Variants in SCHIP1 observed in about 807,000 individuals in gnomAD.
SCHIP1 encodes the protein schwannomin interacting protein 1, also known as schwannomin-interacting protein 1.
In SCHIP1, 8 loss-of-function variants were observed where a neutral mutation model predicts 29.7. The observed-to-expected ratio is 0.27, with a 90% CI of 0.16 to 0.49. The LOEUF is 0.49. Among genes scored for constraint, SCHIP1 ranks in the 20% least tolerant of loss-of-function variants. The pLI is 0.99. For missense variants in SCHIP1, 193 were observed against 294.6 expected (o/e 0.66, Z 2.52); for synonymous variants, 76 against 94.9 (o/e 0.80, Z 1.16).
At chr3:159,564,776 A>G in the SCHIP1 span, among the ~76,000 whole-genome samples, 3 of 152,272 alleles carry the variant, frequency 2.0e-5, no homozygotes, top group South Asian at 6.2e-4. Flanking sequence ...AGATTAATCC[A>G]TTGTTGTTTC....
chr3:159,785,010 A>G, the SCHIP1 span, among the ~76,000 whole-genome samples: 1 of 152,254 alleles, frequency 6.6e-6, no homozygotes, highest in Non-Finnish European at 1.5e-5. Context: ...ACAAAGCTCT[A>G]TCAAAAAACA....
At chr3:159,333,146 T>G in the SCHIP1 span, among the ~76,000 whole-genome samples, 2 of 152,366 alleles carry the variant, frequency 1.3e-5, no homozygotes, top group Non-Finnish European at 2.9e-5. Flanking sequence ...GGTTATTTTT[T>G]TAGTGTTGCA....
At chr3:159,537,162 G>C in the SCHIP1 span, among the ~76,000 whole-genome samples, 1 of 152,196 alleles carries the variant, frequency 6.6e-6, no homozygotes, top group African/African-American at 2.4e-5. Flanking sequence ...AAGGGCAAGA[G>C]AAAGGAATTC....
chr3:159,675,223 A>C, the SCHIP1 span, among the ~76,000 whole-genome samples: 4 of 152,218 alleles, frequency 2.6e-5, no homozygotes, highest in African/African-American at 9.7e-5. Flanking sequence ...TTTAGTTTAT[A>C]GGCACAACTT....
chr3:159,852,800 C>T (rs1260771907), intron 1 of SCHIP1: 1 of 152,210 alleles, frequency 6.6e-6, no homozygotes, highest in Non-Finnish European at 1.5e-5. Flanking sequence ...AAAAAGCAAA[C>T]ATCTGTGTTA....
chr3:159,803,793 G>T, the SCHIP1 span, among the ~76,000 whole-genome samples: 1 of 152,088 alleles, frequency 6.6e-6, no homozygotes, highest in African/African-American at 2.4e-5. Context: ...TTCGTCCAGG[G>T]GAATACTGAA....
chr3:159,446,260 A>G, the SCHIP1 span, among the ~76,000 whole-genome samples: 2 of 152,100 alleles, frequency 1.3e-5, no homozygotes. Flanking sequence ...ATATTGTTAT[A>G]ATGGTATCTC....
chr3:159,372,097 T>C, the SCHIP1 span, among the ~76,000 whole-genome samples: 7 of 152,348 alleles, frequency 4.6e-5, no homozygotes, highest in East Asian at 1.3e-3. Flanking sequence ...GGTCAAAGAA[T>C]ATATGTCAAT....
At chr3:159,447,933 A>T in the SCHIP1 span, among the ~76,000 whole-genome samples, 1 of 152,230 alleles carries the variant, frequency 6.6e-6, no homozygotes, top group East Asian at 1.9e-4. Context: ...CCCTTAAGGG[A>T]TGCAGAGTCT....
At chr3:159,284,663 A>AT in the SCHIP1 span, among the ~76,000 whole-genome samples, 9 of 150,278 alleles carry the variant, frequency 6.0e-5, no homozygotes, top group East Asian at 3.9e-4. Flanking sequence ...TAATTTTTGT[A>AT]TTTTTTTTTC....
the SCHIP1 span, among the ~76,000 whole-genome samples, chr3:159,280,437 C>T: frequency 6.6e-6 from 1 of 152,132 alleles, no homozygotes; most frequent in Admixed American, 6.5e-5. Context: ...TTAATCTAGA[C>T]CTGGGACCTA....
chr3:159,511,004 G>C, the SCHIP1 span, among the ~76,000 whole-genome samples: 3 of 152,232 alleles, frequency 2.0e-5, no homozygotes, highest in Non-Finnish European at 4.4e-5. Context: ...CTGTCAAACA[G>C]GGACATTTAA....
At chr3:159,863,745 G>A (rs932140351) in intron 1 of SCHIP1, among the ~76,000 whole-genome samples, 4 of 152,144 alleles carry the variant, frequency 2.6e-5, no homozygotes, top group African/African-American at 7.2e-5. Flanking sequence ...AGAAGGAGAG[G>A]GGGAAAGAGA....
the SCHIP1 span, among the ~76,000 whole-genome samples, chr3:159,386,406 CCACGCTCGTGGATA>C: frequency 2.6e-5 from 4 of 152,166 alleles, no homozygotes; most frequent in African/African-American, 9.7e-5. Context: ...GAAAAACATT[CCACGCTCGTGGATA>C]CACGCTCATG....
chr3:159,529,034 T>C, the SCHIP1 span, among the ~76,000 whole-genome samples: 1 of 152,194 alleles, frequency 6.6e-6, no homozygotes, highest in African/African-American at 2.4e-5. Flanking sequence ...ACACTGAATA[T>C]TGCTGTTTGC....
At chr3:159,570,531 C>T in the SCHIP1 span, among the ~76,000 whole-genome samples, 13 of 152,068 alleles carry the variant, frequency 8.5e-5, no homozygotes, top group Non-Finnish European at 1.0e-4. Context: ...AGTGCCATGC[C>T]GTTTTGGTTA....
At chr3:159,620,487 C>T in the SCHIP1 span, among the ~76,000 whole-genome samples, 1 of 152,324 alleles carries the variant, frequency 6.6e-6, no homozygotes. Context: ...TAGACAATGG[C>T]ATTCATCCGA....
chr3:159,319,962 AC>A, the SCHIP1 span, among the ~76,000 whole-genome samples: 2 of 152,132 alleles, frequency 1.3e-5, no homozygotes, highest in South Asian at 4.1e-4. Context: ...TATGCTCAAA[AC>A]CTTTGTGTCC....
chr3:159,526,495 A>G, the SCHIP1 span, among the ~76,000 whole-genome samples: 2 of 152,160 alleles, frequency 1.3e-5, no homozygotes, highest in African/African-American at 2.4e-5. Context: ...ACTATGTATT[A>G]AAGGGTTTAA....
Sources: allele counts gnomAD v4.1 joint callset (sites outside exome capture counted in the v4.1 genomes callset), GRCh38; gene constraint gnomAD v4.1.1; transcripts MANE v1.5; gene names NCBI Gene and HGNC (gene_info 2026-07-23, HGNC 2026-07-21).